CC2D2A: variants seen among roughly 807,000 people sequenced by gnomAD.
CC2D2A encodes coiled-coil and C2 domain-containing protein 2A.
Under a neutral mutation model 212.9 loss-of-function variants are expected in CC2D2A, and 155 were observed. That is an observed-to-expected ratio of 0.73 (90% confidence interval 0.64 to 0.83). The LOEUF is 0.83. Among genes scored for constraint, CC2D2A ranks in the 40% least tolerant of loss-of-function variants. CC2D2A has a pLI of 0.00. For synonymous variants in CC2D2A, 667 were observed against 686.5 expected (o/e 0.97, Z 0.44); for missense variants, 1,856 against 1,956.2 (o/e 0.95, Z 0.97).
intron 17 of CC2D2A, among the ~76,000 whole-genome samples, chr4:15,541,784 G>C (rs1170851300): frequency 1.3e-5 from 2 of 152,104 alleles, no homozygotes; most frequent in African/African-American, 2.4e-5. Flanking sequence ...CCCACCATTA[G>C]CAATATATTT....
chr4:15,480,776 G>A lies in CC2D2A; in HGVS notation c.196G>A (p.Glu66Lys). The A allele has an allele frequency of 1.2e-6, 2 of 1,613,442 alleles. No homozygotes were observed. Among genetic ancestry groups the A allele is most frequent in the Non-Finnish European group, 1.7e-6 (2 of 1,179,700 alleles). The change falls in exon 4 of 37, where the codon GAG (glutamate) becomes AAG (lysine). Residue 66 changes from glutamate (E) to lysine (K), a missense_variant. Glu to Lys is a moderately conservative substitution (Grantham distance 56). Coordinates refer to ENST00000424120, the MANE Select transcript of CC2D2A (RefSeq NM_001378615.1). ...TGGCAACCCCCAGGAGCCTGTGCAG[G>A]AGGAGCCCAAGACCCGCCTCCTGAG... ...HLGNPQEPVQEEPKTRLLSMT... is the reference protein window; with the variant it reads ...HLGNPQEPVQKEPKTRLLSMT...
At chr4:15,538,248 C>A (rs138873439) in intron 16 of CC2D2A, 111 bp downstream of exon 16, 3 of 1,151,048 alleles carry the variant, frequency 2.6e-6, no homozygotes, top group African/African-American at 3.1e-5. Context: ...CTGACCTACA[C>A]GAGCATCAGG....
At chr4:15,575,786 G>A (rs1006717960) in intron 29 of CC2D2A, among the ~76,000 whole-genome samples, 6 of 152,132 alleles carry the variant, frequency 3.9e-5, no homozygotes, top group African/African-American at 1.2e-4. Context: ...TCAAATGAAC[G>A]CCAATAAACA....
rs777636957 is a variant in CC2D2A, at chr4:15,601,256, A to G, written c.4694A>G (p.His1565Arg). ...CTTCAGTTCTCTGGATTTCCTCTTC[A>G]CATGCCTTATTCTGAAGTGAAGCCT... ...GDYRFSGFPL[H>R]MPYSEVKPLI... The change falls in exon 37 of 37, where the codon CAC becomes CGC. Residue 1565 changes from histidine to arginine, a missense_variant. Physicochemically the swap from His to Arg is conservative, Grantham distance 29 (BLOSUM62 0). This residue lies in a region of CC2D2A where 285 missense variants were observed against 278.4 expected (regional missense o/e 1.02). Coordinates refer to ENST00000424120, the MANE Select transcript of CC2D2A (RefSeq NM_001378615.1). The G allele has an allele frequency of 5.6e-6, 9 of 1,612,726 alleles. No homozygotes were observed. The highest frequency in any genetic ancestry group is 1.3e-5 in the African/African-American group (1 of 74,922).
Position 15,599,586 on chromosome 4 carries a change from G to C in CC2D2A, c.4554G>C (p.Arg1518=), listed in dbSNP as rs755691801. The change falls in exon 36 of 37, where the codon CGG becomes CGC. Residue 1518 remains arginine (R), a synonymous_variant. Transcript: ENST00000424120. ...ACTGGAGGCCACGCCATCTGACTCG[G>C]TGGAATAGGTATTGTACCTCTACTC... ...IMDWRPRHLT[R]WNRYCTSTLR... is the part of the protein sequence containing the mutation. 2 of 1,609,688 alleles carry C rather than the reference G, an allele frequency of 1.2e-6. No individual in the cohort carries two copies. Among genetic ancestry groups the C allele is most frequent in the Non-Finnish European group, 1.7e-6 (2 of 1,177,004 alleles).
intron 30 of CC2D2A, among the ~76,000 whole-genome samples, chr4:15,583,861 G>A (rs1171669571): frequency 6.6e-6 from 1 of 151,766 alleles, no homozygotes; most frequent in Non-Finnish European, 1.5e-5. Context: ...TGAGGCAGGA[G>A]AATGGCGTGA....
At chr4:15,553,867 C>G (rs186411651) in intron 19 of CC2D2A, among the ~76,000 whole-genome samples, 1 of 152,306 alleles carries the variant, frequency 6.6e-6, no homozygotes, top group East Asian at 1.9e-4. Flanking sequence ...TCTGTCAGAG[C>G]CTCTCTCTGT....
At chr4:15,525,348 A>G (rs1462127074) in intron 11 of CC2D2A, among the ~76,000 whole-genome samples, 1 of 152,172 alleles carries the variant, frequency 6.6e-6, no homozygotes, top group Non-Finnish European at 1.5e-5. Flanking sequence ...GCAATTAGAG[A>G]GGAATTTTCC....
intron 6 of CC2D2A, among the ~76,000 whole-genome samples, chr4:15,507,573 C>T (rs1201202990): frequency 2.0e-5 from 3 of 152,156 alleles, no homozygotes; most frequent in African/African-American, 7.2e-5. Context: ...CCTTGTCACC[C>T]TCTGAAAGTT....
intron 17 of CC2D2A, among the ~76,000 whole-genome samples, chr4:15,546,756 T>C (rs1718730606): frequency 6.6e-6 from 1 of 152,010 alleles, no homozygotes; most frequent in Non-Finnish European, 1.5e-5. Context: ...CTGTGTGCAG[T>C]TGGAAAGGTC....
chr4:15,483,166 G>A (rs1178070544), intron 4 of CC2D2A, among the ~76,000 whole-genome samples: 1 of 152,272 alleles, frequency 6.6e-6, no homozygotes, highest in African/African-American at 2.4e-5. Flanking sequence ...CAAGAGAGCA[G>A]AGGAAGTATT....
intron 12 of CC2D2A, 92 bp downstream of exon 12, chr4:15,527,748 GCCC>G (rs949206866): frequency 7.6e-6 from 7 of 917,476 alleles, no homozygotes; most frequent in African/African-American, 1.7e-5. Flanking sequence ...AAATGTTCAT[GCCC>G]CTCTTTCACA....
At chr4:15,537,811 T>C in intron 15 of CC2D2A, 88 bp from the exon 16 acceptor site, 2 of 1,370,646 alleles carry the variant, frequency 1.5e-6, no homozygotes, top group Non-Finnish European at 2.0e-6. Flanking sequence ...CTGGGGTTTG[T>C]ATCCAGGTCC....
At chr4:15,581,189 A>G (rs1720646903) in intron 30 of CC2D2A, among the ~76,000 whole-genome samples, 1 of 152,164 alleles carries the variant, frequency 6.6e-6, no homozygotes, top group Non-Finnish European at 1.5e-5. Context: ...AGATGTATCA[A>G]AAAAAACCCC....
At chr4:15,513,132 A>G (rs750317493) in intron 8 of CC2D2A, among the ~76,000 whole-genome samples, 3 of 152,216 alleles carry the variant, frequency 2.0e-5, no homozygotes, top group Non-Finnish European at 4.4e-5. Flanking sequence ...ACCTAGATCT[A>G]CAGAAGCTTG....
intron 17 of CC2D2A, among the ~76,000 whole-genome samples, chr4:15,549,588 A>G (rs1027748407): frequency 2.0e-5 from 3 of 152,220 alleles, no homozygotes; most frequent in Non-Finnish European, 4.4e-5. Context: ...AGATCACTTG[A>G]GGTCAGGAGT....
chr4:15,491,539 G>A (rs1715304050), intron 4 of CC2D2A, among the ~76,000 whole-genome samples: 1 of 152,102 alleles, frequency 6.6e-6, no homozygotes, highest in African/African-American at 2.4e-5. Context: ...TGAGTAACTG[G>A]GATTACAGGT....
At chr4:15,554,971 G>A (rs1252443152) in intron 19 of CC2D2A, 101 bp from the exon 20 acceptor site, 5 of 1,181,760 alleles carry the variant, frequency 4.2e-6, no homozygotes. Flanking sequence ...TCTCATGGAG[G>A]ATAATAGCTT....
At chr4:15,527,802 G>C (rs1241943449) in intron 12 of CC2D2A, 146 bp downstream of exon 12, 8 of 654,886 alleles carry the variant, frequency 1.2e-5, no homozygotes, top group Non-Finnish European at 2.1e-5. Flanking sequence ...TATCCAGCTA[G>C]AGACAAAAGG....
Sources: gnomAD v4.1 joint callset for allele counts (sites outside exome capture counted in the v4.1 genomes callset) on GRCh38, gnomAD v4.1.1 for gene constraint, gnomAD v4.1.1 regional missense constraint, MANE v1.5 for transcripts, NCBI Gene and HGNC (gene_info 2026-07-23, HGNC 2026-07-21) for gene names.